ZNF423: variants seen among roughly 807,000 people sequenced by gnomAD.
The protein encoded by ZNF423 is Ebf-associated zinc finger protein.
Under a neutral mutation model 95.8 loss-of-function variants are expected in ZNF423, and 12 were observed. That is an observed-to-expected ratio of 0.13 (90% CI 0.08 to 0.20). ZNF423 has a LOEUF of 0.20. ZNF423 is among the 10% of genes least tolerant of loss of function. The pLI, the probability that ZNF423 is intolerant of heterozygous loss-of-function variation, is 1.00. For synonymous variants in ZNF423, 749 were observed against 711.9 expected, an observed-to-expected ratio of 1.05 and a Z score of -0.83; for missense variants, 1,316 against 1,737.1, an observed-to-expected ratio of 0.76 and a Z score of 4.31.
intron 1 of ZNF423, chr16:49,854,725 C>G (rs1275371096): frequency 1.0e-6 from 1 of 985,464 alleles, no homozygotes; most frequent in African/African-American, 1.7e-5. Flanking sequence ...AGGGGCTCTG[C>G]TGCCGGCGCG....
intron 5 of ZNF423, among the ~76,000 whole-genome samples, chr16:49,554,042 T>C (rs1179150073): frequency 1.3e-5 from 2 of 152,172 alleles, no homozygotes; most frequent in African/African-American, 4.8e-5. Context: ...TTTGCTGGGC[T>C]TCATGGTCCC....
intron 5 of ZNF423, among the ~76,000 whole-genome samples, chr16:49,529,795 G>A (rs899988818): frequency 1.3e-5 from 2 of 152,224 alleles, no homozygotes; most frequent in Middle Eastern, 3.4e-3. Flanking sequence ...GAGGAGCGGC[G>A]GGCTGCAGCG....
intron 3 of ZNF423, among the ~76,000 whole-genome samples, chr16:49,672,777 C>A (rs2030872299): frequency 6.6e-6 from 1 of 152,156 alleles, no homozygotes; most frequent in Admixed American, 6.5e-5. Context: ...GAGATCGCGT[C>A]ATTACACTCC....
At chr16:49,763,582 C>T (rs1479995203) in intron 2 of ZNF423, among the ~76,000 whole-genome samples, 4 of 152,148 alleles carry the variant, frequency 2.6e-5, no homozygotes, top group Non-Finnish European at 5.9e-5. Context: ...GTCACTTCTT[C>T]GCCTCTATCA....
At chr16:49,806,153 G>C (rs766266122) in intron 1 of ZNF423, among the ~76,000 whole-genome samples, 3 of 152,218 alleles carry the variant, frequency 2.0e-5, no homozygotes, top group Non-Finnish European at 4.4e-5. Flanking sequence ...ATCCTGTTTC[G>C]GGGGCAACAC....
chr16:49,652,203 G>A (rs1166408895), intron 3 of ZNF423, among the ~76,000 whole-genome samples: 2 of 151,296 alleles, frequency 1.3e-5, no homozygotes, highest in Non-Finnish European at 2.9e-5. Context: ...GGGCAAGGAC[G>A]CGTCCACCTT....
chr16:49,587,473 C>G (rs1596678762), intron 5 of ZNF423, among the ~76,000 whole-genome samples: 1 of 151,990 alleles, frequency 6.6e-6, no homozygotes, highest in East Asian at 1.9e-4. Flanking sequence ...GTTGTGGGGA[C>G]AGGTGGAAGG....
intron 6 of ZNF423, 103 bp downstream of exon 6, chr16:49,525,260 C>T: frequency 5.2e-6 from 8 of 1,527,696 alleles, no homozygotes; most frequent in Non-Finnish European, 6.2e-6. Flanking sequence ...TATAACAGGC[C>T]TGCCAAGGAA....
At chr16:49,509,907 T>C (rs1399283307) in intron 7 of ZNF423, among the ~76,000 whole-genome samples, 1 of 152,222 alleles carries the variant, frequency 6.6e-6, no homozygotes, top group African/African-American at 2.4e-5. Context: ...ACTGGCTTCA[T>C]AGGTTTGCCC....
intron 7 of ZNF423, among the ~76,000 whole-genome samples, chr16:49,510,508 G>A (rs1014379013): frequency 6.6e-6 from 1 of 152,160 alleles, no homozygotes; most frequent in Non-Finnish European, 1.5e-5. Context: ...AGCTTCTTAC[G>A]ACCTCACATG....
chr16:49,542,520 C>A (rs1008611590), intron 5 of ZNF423, among the ~76,000 whole-genome samples: 1 of 152,210 alleles, frequency 6.6e-6, no homozygotes, highest in African/African-American at 2.4e-5. Flanking sequence ...CCCATGTGAG[C>A]TGGAATGTGC....
intron 2 of ZNF423, among the ~76,000 whole-genome samples, chr16:49,749,289 C>T (rs1348466579): frequency 1.3e-5 from 2 of 152,210 alleles, no homozygotes; most frequent in African/African-American, 4.8e-5. Flanking sequence ...CTGCAACAAG[C>T]ATCCCAGGTC....
intron 1 of ZNF423, among the ~76,000 whole-genome samples, chr16:49,836,231 A>C (rs2035118597): frequency 6.6e-6 from 1 of 152,066 alleles, no homozygotes; most frequent in Admixed American, 6.5e-5. Flanking sequence ...TTCCCAAAAA[A>C]TCAGGAAGCA....
At chr16:49,798,199 G>C (rs1025154190) in intron 1 of ZNF423, among the ~76,000 whole-genome samples, 6 of 152,098 alleles carry the variant, frequency 3.9e-5, no homozygotes, top group African/African-American at 1.2e-4. Flanking sequence ...GATACAGCAA[G>C]ACCCTATCTG....
At chr16:49,840,780 A>G (rs1430216503) in intron 1 of ZNF423, among the ~76,000 whole-genome samples, 1 of 151,988 alleles carries the variant, frequency 6.6e-6, no homozygotes, top group Admixed American at 6.6e-5. Context: ...GTACCCACAC[A>G]GACTCAGACA....
intron 3 of ZNF423, among the ~76,000 whole-genome samples, chr16:49,719,543 G>A (rs2032804519): frequency 6.6e-6 from 1 of 152,154 alleles, no homozygotes; most frequent in Admixed American, 6.5e-5. Context: ...CCAGTGTTGG[G>A]GAAGGGGCCT....
intron 7 of ZNF423, among the ~76,000 whole-genome samples, 197 bp downstream of exon 7, chr16:49,523,427 G>A (rs1968480347): frequency 1.3e-5 from 2 of 152,246 alleles, no homozygotes; most frequent in Admixed American, 6.5e-5. Context: ...GCCAGTGGCA[G>A]TTGGTTCTTT....
intron 2 of ZNF423, among the ~76,000 whole-genome samples, chr16:49,770,551 T>G (rs374889316): frequency 6.6e-6 from 1 of 151,928 alleles, no homozygotes; most frequent in Non-Finnish European, 1.5e-5. Flanking sequence ...AAGGGCAGGA[T>G]AGGGGTTCAT....
chr16:49,534,308 C>A (rs1163313477), intron 5 of ZNF423, among the ~76,000 whole-genome samples: 1 of 151,750 alleles, frequency 6.6e-6, no homozygotes, highest in Non-Finnish European at 1.5e-5. Flanking sequence ...AGCTGGAGTG[C>A]CATGGCACGT....
Sources: gnomAD v4.1 joint callset for allele counts (sites outside exome capture counted in the v4.1 genomes callset) on GRCh38, gnomAD v4.1.1 for gene constraint, MANE v1.5 for transcripts, NCBI Gene and HGNC (gene_info 2026-07-23, HGNC 2026-07-21) for gene names.